CLIP2: variants seen among roughly 807,000 people sequenced by gnomAD.
CLIP2 encodes CAP-Gly domain containing linker protein 2.
A neutral mutation model predicts 111.7 loss-of-function variants in CLIP2; 41 were observed. That is an observed-to-expected ratio of 0.37 (90% confidence interval 0.29 to 0.48). CLIP2 has a LOEUF of 0.48. Ranked by LOEUF, CLIP2 falls within the 20% of genes least tolerant of loss-of-function variation. The pLI, the probability that CLIP2 is intolerant of heterozygous loss-of-function variation, is 0.99. For synonymous variants in CLIP2, 660 were observed against 644.2 expected, an observed-to-expected ratio of 1.02 and a Z score of -0.37; for missense variants, 1,160 against 1,422.1, an observed-to-expected ratio of 0.82 and a Z score of 2.96.
Position 74,376,004 on chromosome 7 carries a change from G to A in CLIP2, c.1603G>A (p.Asp535Asn), listed in dbSNP as rs1308372936. ...CLLHSGPPPP[D>N]HPDAAEILRL... ...GTTGCACTCGGGTCCCCCACCTCCGGACCACCCAGACGCCGCCGAGATCCT... is the reference window on the plus strand; with the variant it reads ...GTTGCACTCGGGTCCCCCACCTCCGAACCACCCAGACGCCGCCGAGATCCT... The change falls in exon 10 of 17, where the codon GAC (aspartate) becomes AAC (asparagine). Residue 535 changes from aspartate (D) to asparagine (N), a missense_variant. Physicochemically the swap from Asp to Asn is conservative, Grantham distance 23. Transcript: ENST00000223398. This position sits in a 1 kb window ranked among gnomAD's most constrained non-coding sequence, Gnocchi z 7.1. 6.2e-7 allele frequency: 1 copy of A among 1,612,296 alleles called. No individual in the cohort carries two copies. The highest frequency in any genetic ancestry group is 1.3e-5 in the African/African-American group (1 of 75,030).
chr7:74,360,867 A>T (rs1790308200), intron 7 of CLIP2, among the ~76,000 whole-genome samples: 1 of 152,084 alleles, frequency 6.6e-6, no homozygotes, highest in Admixed American at 6.6e-5. Context: ...TGTTCATTGC[A>T]TAGAGTTCAC....
At chr7:74,358,903 A>G (rs1790231918) in intron 6 of CLIP2, among the ~76,000 whole-genome samples, 1 of 152,118 alleles carries the variant, frequency 6.6e-6, no homozygotes, top group South Asian at 2.1e-4. Flanking sequence ...ATTGCTGTCT[A>G]TCACAGGCTT....
At chr7:74,386,424 A>G in intron 11 of CLIP2, 97 bp from the exon 12 acceptor site, 1 of 934,274 alleles carries the variant, frequency 1.1e-6, no homozygotes, top group Non-Finnish European at 1.6e-6. Flanking sequence ...GCCAAGTGTG[A>G]CCCCGTCACA....
At chr7:74,350,814 CA>C (rs2116592493) in intron 3 of CLIP2, among the ~76,000 whole-genome samples, 1 of 151,488 alleles carries the variant, frequency 6.6e-6, no homozygotes, top group East Asian at 2.0e-4. Flanking sequence ...TGCAGTGAGC[CA>C]TGATCGCACC....
chr7:74,337,593 C>CTTT (rs10695450), intron 2 of CLIP2, among the ~76,000 whole-genome samples: 5,258 of 147,348 alleles, frequency 0.036, 133 homozygotes, highest in Non-Finnish European at 0.051. Flanking sequence ...GCCATTGCTT[C>CTTT]TTTTTTTTTT....
chr7:74,364,395 A>C (rs1790418045), intron 8 of CLIP2, 80 bp downstream of exon 8: 1 of 1,289,466 alleles, frequency 7.8e-7, no homozygotes, highest in Non-Finnish European at 1.1e-6. Context: ...TGTGAGGTCC[A>C]GCAGCACCTC....
At chr7:74,324,244 G>C (rs1028902403) in intron 2 of CLIP2, among the ~76,000 whole-genome samples, 1 of 152,168 alleles carries the variant, frequency 6.6e-6, no homozygotes, top group Non-Finnish European at 1.5e-5. Flanking sequence ...CTCCCGCCTC[G>C]GCCTCCCAAA....
In CLIP2 at chr7:74,326,577, C is replaced by T. The variant is rs535653168; in HGVS notation, c.121+8910C>T. Among the ~76,000 whole-genome samples the T allele has an allele frequency of 3.3e-5, 5 of 151,932 alleles. No individual in the cohort carries two copies. The South Asian group carries it at 1.0e-3, about 32-fold the overall frequency. On this transcript the variant is annotated intron_variant, in intron 2 of 16. Coordinates refer to ENST00000223398, the MANE Select transcript of CLIP2 (RefSeq NM_003388.5). Reference sequence around the variant, plus strand: ...GGAGTTGGGCTATGTGAGGCAAGGCCCACCTCCTATATGCTATCCTCAGCT... The same window carrying T: ...GGAGTTGGGCTATGTGAGGCAAGGCTCACCTCCTATATGCTATCCTCAGCT...
Position 74,376,788 on chromosome 7 carries a change from C to A in CLIP2, c.2387C>A (p.Ala796Glu). The change falls in exon 10 of 17, where the codon GCG (alanine) becomes GAG (glutamate). Residue 796 changes from alanine (A) to glutamate (E), a missense_variant. Around this residue, in one of 5 missense-constraint regions of CLIP2, gnomAD observed 676 missense variants for 777.8 expected, o/e 0.87. Transcript: ENST00000223398. The surrounding 1 kb of genome is among the most constrained non-coding windows in gnomAD (Gnocchi z 7.1). ...KLLVAENRLQ[A>E]VEALCSSQHT... is the part of the protein sequence containing the mutation. ...CTGGTGGCTGAGAACAGACTCCAGG[C>A]GGTCGAGGCCCTGTGCTCCTCCCAG... 6.2e-7 allele frequency: 1 copy of A among 1,606,970 alleles called. No homozygotes were observed. The highest frequency in any genetic ancestry group is 1.7e-5 in the Admixed American group (1 of 58,934).
At chr7:74,312,798 C>T (rs1788675418) in intron 1 of CLIP2, among the ~76,000 whole-genome samples, 1 of 152,140 alleles carries the variant, frequency 6.6e-6, no homozygotes, top group South Asian at 2.1e-4. Flanking sequence ...CATGTCGGCT[C>T]CACTGCTGTG....
At chr7:74,311,917 TA>T (rs1306557485) in intron 1 of CLIP2, among the ~76,000 whole-genome samples, 539 of 49,706 alleles carry the variant, frequency 0.011, 2 homozygotes, top group Middle Eastern at 0.071. Context: ...ATCTCAAGAA[TA>T]AAAAAAAAAA....
In CLIP2 at chr7:74,390,164, AGAAAGAAAGAAAGAAAGAAAG is replaced by A. The variant is rs1271341547; in HGVS notation, c.2720+906_2720+926del. ...AGAAAGAAAGAAAAAGAAAGAAAGA[AGAAAGAAAGAAAGAAAGAAAG>A]AAAGAAAGAAAGAAAGAAAGAAAGA... On this transcript the variant is annotated intron_variant, in intron 13 of 16. Coordinates refer to ENST00000223398, the MANE Select transcript of CLIP2 (RefSeq NM_003388.5). Among the ~76,000 whole-genome samples the A allele has an allele frequency of 8.4e-5, 9 of 106,688 alleles. 1 individual carries two copies. Among genetic ancestry groups the A allele is most frequent in the East Asian group, 3.6e-4 (1 of 2,780 alleles). 70.0% of individuals were successfully genotyped at this position (106,688 alleles called of 152,430 possible).
intron 10 of CLIP2, among the ~76,000 whole-genome samples, chr7:74,377,139 A>G (rs1790815752): frequency 6.6e-6 from 1 of 152,100 alleles, no homozygotes; most frequent in South Asian, 2.1e-4. Context: ...TACATGTCTT[A>G]GGGTGCAGGG....
At chr7:74,349,748 G>T (rs1487817409) in intron 3 of CLIP2, among the ~76,000 whole-genome samples, 1 of 151,088 alleles carries the variant, frequency 6.6e-6, no homozygotes, top group African/African-American at 2.4e-5. Context: ...GGAGTACCTG[G>T]CATTACAGGC....
rs1258291971 is a variant in CLIP2, at chr7:74,376,151, G to A, written c.1750G>A (p.Ala584Thr). Residue 584 changes from alanine (A) to threonine (T), a missense_variant, in exon 10 of 17, where the codon GCC (alanine) becomes ACC (threonine). By Grantham distance (58) the Ala-to-Thr change is moderately conservative. Coordinates refer to ENST00000223398, the MANE Select transcript of CLIP2 (RefSeq NM_003388.5). The surrounding 1 kb of genome is among the most constrained non-coding windows in gnomAD (Gnocchi z 7.1). ...GGCGGAGGTGGACAAGCTCCGCGCG[G>A]CCAACGAGAAGTACGCACAGGAGGT... ...YQAEVDKLRA[A>T]NEKYAQEVAG... 6.2e-7 allele frequency: 1 copy of A among 1,609,824 alleles called. No homozygotes were observed. Among genetic ancestry groups the A allele is most frequent in the South Asian group, 1.1e-5 (1 of 90,662 alleles).
intron 2 of CLIP2, among the ~76,000 whole-genome samples, chr7:74,322,977 C>T (rs1789004134): frequency 6.6e-6 from 1 of 152,122 alleles, no homozygotes; most frequent in Admixed American, 6.6e-5. Context: ...GATCCACCTG[C>T]TTCGGCCTTC....
chr7:74,317,539 G>T lies in CLIP2; in HGVS notation c.-8G>T. 1 of 1,421,084 alleles carries T rather than the reference G, an allele frequency of 7.0e-7. No homozygotes were observed. Among genetic ancestry groups the T allele is most frequent in the Non-Finnish European group, 9.3e-7 (1 of 1,078,824 alleles). 88.0% of individuals were successfully genotyped at this position (1,421,084 alleles called of 1,614,324 possible). ...CTCACCCTTGTCCACCTGCCCAGTGGCACCGCCATGCAGAAGCCCAGCGGC... is the reference window on the plus strand; with the variant it reads ...CTCACCCTTGTCCACCTGCCCAGTGTCACCGCCATGCAGAAGCCCAGCGGC... On this transcript the variant is annotated 5_prime_UTR_variant, in exon 2 of 17. Transcript: ENST00000223398.
rs782229939 is a variant in CLIP2, at chr7:74,389,127, G to C, written c.2588G>C (p.Gly863Ala). ...GCGCTGGAGAGCAAGTGTAAGTCAG[G>C]CGAGAAGAAGGTGGACGCCCTCCTG... ...VSALESKCKS[G>A]EKKVDALLKE... Residue 863 changes from glycine to alanine, a missense_variant, in exon 13 of 17, where the codon GGC (glycine) becomes GCC (alanine). This residue lies in a region of CLIP2 where 676 missense variants were observed against 777.8 expected (regional missense o/e 0.87). Coordinates refer to ENST00000223398, the MANE Select transcript of CLIP2 (RefSeq NM_003388.5). The C allele has an allele frequency of 2.4e-5, 38 of 1,612,744 alleles. No homozygotes were observed. The highest frequency in any genetic ancestry group is 3.1e-5 in the Non-Finnish European group (37 of 1,179,640).
At chr7:74,350,949 A>G (rs1017889777) in intron 3 of CLIP2, among the ~76,000 whole-genome samples, 1 of 148,900 alleles carries the variant, frequency 6.7e-6, no homozygotes, top group Admixed American at 6.8e-5. Flanking sequence ...GAAGGAAGGG[A>G]AAGAAAGGAA....
Sources: gnomAD v4.1 joint callset for allele counts (sites outside exome capture counted in the v4.1 genomes callset) on GRCh38, gnomAD v4.1.1 for gene constraint, gnomAD v4.1.1 regional missense constraint, Gnocchi (gnomAD v3.1) non-coding constraint, MANE v1.5 for transcripts, NCBI Gene and HGNC (gene_info 2026-07-23, HGNC 2026-07-21) for gene names.